Variants in GRIK4 observed in about 807,000 individuals in gnomAD.
GRIK4 encodes the protein glutamate ionotropic receptor kainate type subunit 4, also known as glutamate receptor ionotropic, kainate 4.
Under a neutral mutation model 104.9 loss-of-function variants are expected in GRIK4, and 40 were observed. The ratio of observed to expected loss-of-function variants is 0.38; its 90% confidence interval spans 0.30 to 0.50. GRIK4 has a LOEUF of 0.50. Among genes scored for constraint, GRIK4 ranks in the 20% least tolerant of loss-of-function variants. GRIK4 has a pLI of 0.93. For synonymous variants in GRIK4, 485 were observed against 524.9 expected (o/e 0.92, Z 1.04); for missense variants, 1,047 against 1,308.1 (o/e 0.80, Z 3.08).
At chr11:120,585,197 T>C (rs1948643449) in intron 1 of GRIK4, among the ~76,000 whole-genome samples, 1 of 152,238 alleles carries the variant, frequency 6.6e-6, no homozygotes, top group African/African-American at 2.4e-5. Context: ...TGTTTATCCA[T>C]GCATCTGTCA....
intron 16 of GRIK4, among the ~76,000 whole-genome samples, chr11:120,958,547 C>T (rs961633292): frequency 2.0e-5 from 3 of 152,274 alleles, no homozygotes; most frequent in African/African-American, 7.2e-5. Flanking sequence ...TCGACCTCCT[C>T]ACCCAGAGCA....
intron 3 of GRIK4, among the ~76,000 whole-genome samples, chr11:120,781,559 C>T (rs1326546985): frequency 6.6e-6 from 1 of 152,092 alleles, no homozygotes; most frequent in Non-Finnish European, 1.5e-5. Context: ...ACTATATCGT[C>T]CATGCTGTTC....
At chr11:120,909,223 G>A (rs955848769) in intron 13 of GRIK4, among the ~76,000 whole-genome samples, 2 of 152,220 alleles carry the variant, frequency 1.3e-5, no homozygotes, top group Non-Finnish European at 2.9e-5. Flanking sequence ...CTTCCTGGAG[G>A]GTTATTGGTA....
intron 19 of GRIK4, among the ~76,000 whole-genome samples, chr11:120,972,826 G>T (rs777352417): frequency 6.6e-6 from 1 of 152,016 alleles, no homozygotes; most frequent in Non-Finnish European, 1.5e-5. Flanking sequence ...GTGGTATGAC[G>T]CATATTTCTG....
intron 8 of GRIK4, among the ~76,000 whole-genome samples, chr11:120,855,928 C>T (rs1180150081): frequency 6.6e-6 from 1 of 152,210 alleles, no homozygotes; most frequent in Non-Finnish European, 1.5e-5. Flanking sequence ...TCTTGCCAAA[C>T]AAAGAGGAAG....
chr11:120,617,339 G>A (rs975578612), intron 1 of GRIK4, among the ~76,000 whole-genome samples: 2 of 151,994 alleles, frequency 1.3e-5, no homozygotes, highest in Non-Finnish European at 2.9e-5. Context: ...GTTCATGACT[G>A]GGAAAAGCTT....
At chr11:120,642,447 A>G (rs1304918532) in intron 1 of GRIK4, among the ~76,000 whole-genome samples, 2 of 151,070 alleles carry the variant, frequency 1.3e-5, no homozygotes, top group East Asian at 3.9e-4. Context: ...CAAACTCTGG[A>G]CCTTGGTTAA....
At chr11:120,530,430 C>T (rs1947911190) in intron 1 of GRIK4, among the ~76,000 whole-genome samples, 1 of 152,008 alleles carries the variant, frequency 6.6e-6, no homozygotes, top group South Asian at 2.1e-4. Context: ...CAGCTCTGCA[C>T]TCTGGTCCAG....
intron 13 of GRIK4, among the ~76,000 whole-genome samples, chr11:120,909,415 C>A (rs1365107721): frequency 6.6e-6 from 1 of 152,134 alleles, no homozygotes; most frequent in African/African-American, 2.4e-5. Flanking sequence ...AGAGTGAAAA[C>A]CATTGTAACA....
chr11:120,555,850 G>A lies in GRIK4; in HGVS notation c.-159+43963G>A, dbSNP rs896614714. 1.3e-5 allele frequency among the ~76,000 whole-genome samples: 2 copies of A among 152,108 alleles called. No homozygotes were observed. The highest frequency in any genetic ancestry group is 4.8e-5 in the African/African-American group (2 of 41,392). ...AGAATCATGGCCATGCTGGGGCCAC[G>A]CGTCTTGGGAGCAACAGAAAATGCC... is the stretch of plus-strand genomic sequence containing the variant. On this transcript the variant is annotated intron_variant, in intron 1 of 20. Transcript: ENST00000527524. The surrounding 1 kb of genome is among the most constrained non-coding windows in gnomAD (Gnocchi z 5.3).
intron 8 of GRIK4, among the ~76,000 whole-genome samples, chr11:120,843,589 G>A (rs1953776456): frequency 1.3e-5 from 2 of 152,168 alleles, no homozygotes; most frequent in South Asian, 4.1e-4. Flanking sequence ...TAAACCTCAC[G>A]ACAACTCTAG....
At chr11:120,729,329 T>C (rs1023172752) in intron 3 of GRIK4, among the ~76,000 whole-genome samples, 5 of 152,196 alleles carry the variant, frequency 3.3e-5, no homozygotes, top group African/African-American at 1.2e-4. Context: ...TTTTGAGGAA[T>C]TTCCATACTG....
At chr11:120,630,985 C>G (rs1341934606) in intron 1 of GRIK4, among the ~76,000 whole-genome samples, 5 of 152,214 alleles carry the variant, frequency 3.3e-5, no homozygotes, top group Non-Finnish European at 5.9e-5. Flanking sequence ...TGCTGGTGGT[C>G]CTGGGTCTGG....
chr11:120,599,344 G>A (rs1283241544), intron 1 of GRIK4, among the ~76,000 whole-genome samples: 1 of 152,188 alleles, frequency 6.6e-6, no homozygotes, highest in Non-Finnish European at 1.5e-5. Context: ...AGTTGGTGGT[G>A]GGGAAGGTCC....
At chr11:120,929,883 C>T (rs1376585605) in intron 13 of GRIK4, among the ~76,000 whole-genome samples, 1 of 152,166 alleles carries the variant, frequency 6.6e-6, no homozygotes, top group Non-Finnish European at 1.5e-5. Context: ...CACAGCATGA[C>T]CTGAATCTGG....
intron 19 of GRIK4, among the ~76,000 whole-genome samples, chr11:120,969,364 A>C (rs987541644): frequency 3.3e-5 from 5 of 152,176 alleles, no homozygotes; most frequent in Non-Finnish European, 7.4e-5. Context: ...GAATAGGTCG[A>C]CACCGTGGGA....
chr11:120,767,758 T>A (rs1951865251), intron 3 of GRIK4, among the ~76,000 whole-genome samples: 1 of 152,156 alleles, frequency 6.6e-6, no homozygotes, highest in Non-Finnish European at 1.5e-5. Flanking sequence ...TTTCATTCAT[T>A]TGCATGTGGA....
chr11:120,739,565 A>G (rs1365822906), intron 3 of GRIK4, among the ~76,000 whole-genome samples: 1 of 152,206 alleles, frequency 6.6e-6, no homozygotes, highest in Admixed American at 6.5e-5. Context: ...ACTGGGGCCC[A>G]CAGGGAAGGA....
chr11:120,932,714 A>G (rs1021563944), intron 13 of GRIK4, among the ~76,000 whole-genome samples: 5 of 152,158 alleles, frequency 3.3e-5, no homozygotes, highest in African/African-American at 1.2e-4. Flanking sequence ...AAGTAACACA[A>G]TTACAGAGTT....
Sources: allele counts gnomAD v4.1 joint callset (sites outside exome capture counted in the v4.1 genomes callset), GRCh38; gene constraint gnomAD v4.1.1; non-coding constraint Gnocchi (gnomAD v3.1); transcripts MANE v1.5; gene names NCBI Gene and HGNC (gene_info 2026-07-23, HGNC 2026-07-21).